Variants in SNAPC1 observed in about 807,000 individuals in gnomAD.
The protein encoded by SNAPC1 is small nuclear RNA activating complex polypeptide 1.
Under a neutral mutation model 50.1 loss-of-function variants are expected in SNAPC1, and 42 were observed. The observed-to-expected ratio is 0.84, with a 90% CI of 0.65 to 1.08. The LOEUF is 1.08. SNAPC1 is among the 50% of genes least tolerant of loss of function. The pLI is 0.00. For missense variants in SNAPC1, 477 were observed against 427.3 expected, an observed-to-expected ratio of 1.12 and a Z score of -1.02; for synonymous variants, 164 against 144.2, an observed-to-expected ratio of 1.14 and a Z score of -0.98.
At chr14:61,767,120 G>T in intron 2 of SNAPC1, 85 bp downstream of exon 2, 1 of 1,094,802 alleles carries the variant, frequency 9.1e-7, no homozygotes, top group Non-Finnish European at 1.2e-6. Flanking sequence ...GATTAAATAT[G>T]ATTTAAATAA....
chr14:61,771,512 G>A (rs1331723841), intron 4 of SNAPC1, among the ~76,000 whole-genome samples: 1 of 152,186 alleles, frequency 6.6e-6, no homozygotes, highest in Non-Finnish European at 1.5e-5. Context: ...GTGAGAAAGA[G>A]GTAGGAGAGA....
rs1304300097 is a variant in SNAPC1, at chr14:61,795,276, G to C, written c.*293G>C. ...TTGTTACTATTTCCTATAAGGTTTT[G>C]TGATACTATACTGTCCTAATACAGT... is the stretch of plus-strand genomic sequence containing the variant. On this transcript the variant is annotated 3_prime_UTR_variant, in exon 10 of 10. Transcript: ENST00000216294. 3.1e-6 allele frequency: 1 copy of C among 326,838 alleles called. No individual in the cohort carries two copies. The allele number at this position is 326,838 out of a possible 1,614,324, so 20.2% of individuals were successfully genotyped here.
intron 8 of SNAPC1, among the ~76,000 whole-genome samples, chr14:61,785,597 G>A (rs769906950): frequency 2.6e-4 from 39 of 152,260 alleles, no homozygotes; most frequent in Admixed American, 9.2e-4. Flanking sequence ...CAGTGTGGTC[G>A]GGATACAGTT....
chr14:61,762,979 G>GTTTTTTTT (rs1384010616), intron 1 of SNAPC1, among the ~76,000 whole-genome samples: 5 of 74,370 alleles, frequency 6.7e-5, no homozygotes, highest in Admixed American at 4.1e-4. Context: ...AACCAAAGTT[G>GTTTTTTTT]TCTTTTTTTT....
Position 61,776,147 on chromosome 14 carries a change from T to C in SNAPC1, c.587T>C (p.Val196Ala). 6.2e-7 allele frequency: 1 copy of C among 1,609,042 alleles called. No homozygotes were observed. Among genetic ancestry groups the C allele is most frequent in the Non-Finnish European group, 8.5e-7 (1 of 1,178,822 alleles). The change falls in exon 5 of 10, where the codon GTT becomes GCT. Residue 196 changes from valine to alanine, a missense_variant. Coordinates refer to ENST00000216294, the MANE Select transcript of SNAPC1 (RefSeq NM_003082.4). ...CAGAACATGAAACATGTAATTTCAGTTGATAAGTCCAAGCCAGATAAAGCC... is the reference window on the plus strand; with the variant it reads ...CAGAACATGAAACATGTAATTTCAGCTGATAAGTCCAAGCCAGATAAAGCC... Reference protein sequence around the residue: ...HYQNMKHVISVDKSKPDKALS... With the variant: ...HYQNMKHVISADKSKPDKALS...
intron 8 of SNAPC1, among the ~76,000 whole-genome samples, chr14:61,782,610 A>G (rs1003140813): frequency 3.3e-5 from 5 of 152,204 alleles, no homozygotes; most frequent in African/African-American, 4.8e-5. Context: ...CGTTTTATAG[A>G]TGATGAAATT....
intron 5 of SNAPC1, among the ~76,000 whole-genome samples, chr14:61,777,611 A>AT (rs60067898): frequency 0.081 from 8,894 of 109,524 alleles, 372 homozygotes; most frequent in Non-Finnish European, 0.11. Flanking sequence ...TTTAGTTTTA[A>AT]TTTTTTTTTT....
intron 7 of SNAPC1, among the ~76,000 whole-genome samples, chr14:61,779,577 T>C (rs945964236): frequency 1.3e-5 from 2 of 151,976 alleles, no homozygotes; most frequent in African/African-American, 4.8e-5. Flanking sequence ...TTTTTAAATG[T>C]ATTTTTCTTT....
chr14:61,785,353 C>T (rs28415121), intron 8 of SNAPC1, among the ~76,000 whole-genome samples: 50 of 152,126 alleles, frequency 3.3e-4, no homozygotes, highest in African/African-American at 1.1e-3. Context: ...GAGCCAAGAT[C>T]GCGCCAAGAT....
At position 61,795,294 on chromosome 14, in the gene SNAPC1, A is replaced by G; in HGVS notation, c.*311A>G. The G allele has an allele frequency of 4.7e-6, 1 of 212,992 alleles. No homozygotes were observed. Among genetic ancestry groups the G allele is most frequent in the South Asian group, 1.6e-4 (1 of 6,348 alleles). The allele number at this position is 212,992 out of a possible 1,614,324, so 13.2% of individuals were successfully genotyped here. ...AGGTTTTGTGATACTATACTGTCCT[A>G]ATACAGTCTGGTAATACTATTCTAT... is the stretch of plus-strand genomic sequence containing the variant. On this transcript the variant is annotated 3_prime_UTR_variant, in exon 10 of 10. Transcript: ENST00000216294.
chr14:61,777,059 T>G (rs2045039565), intron 5 of SNAPC1, among the ~76,000 whole-genome samples: 1 of 152,228 alleles, frequency 6.6e-6, no homozygotes, highest in Admixed American at 6.5e-5. Context: ...TCTGATTACT[T>G]ACTATGTGTC....
intron 8 of SNAPC1, among the ~76,000 whole-genome samples, chr14:61,784,292 C>A (rs2045099338): frequency 6.6e-6 from 1 of 152,086 alleles, no homozygotes; most frequent in African/African-American, 2.4e-5. Context: ...TCACATGTAT[C>A]AAAAATAATC....
chr14:61,790,285 G>A (rs2045142760), intron 8 of SNAPC1, among the ~76,000 whole-genome samples: 1 of 152,140 alleles, frequency 6.6e-6, no homozygotes, highest in Non-Finnish European at 1.5e-5. Flanking sequence ...ATGTTGACAG[G>A]ACATCAGTAA....
chr14:61,762,703 A>C, intron 1 of SNAPC1, 115 bp downstream of exon 1: 2 of 1,276,916 alleles, frequency 1.6e-6, no homozygotes, highest in Middle Eastern at 1.9e-4. Context: ...CAGTCACCGA[A>C]GGTTGCCTCC....
intron 7 of SNAPC1, among the ~76,000 whole-genome samples, chr14:61,779,525 A>C (rs1189331324): frequency 6.6e-6 from 1 of 151,700 alleles, no homozygotes; most frequent in African/African-American, 2.4e-5. Context: ...ATATTTTTTC[A>C]TTACCAGTAA....
intron 3 of SNAPC1, 68 bp from the exon 4 acceptor site, chr14:61,768,566 TTA>T: frequency 2.4e-6 from 2 of 845,068 alleles, no homozygotes; most frequent in Non-Finnish European, 3.8e-6. Context: ...TAGTGCTGGC[TTA>T]TATTTCAATA....
At chr14:61,772,291 A>G (rs1470019091) in intron 4 of SNAPC1, among the ~76,000 whole-genome samples, 1 of 151,850 alleles carries the variant, frequency 6.6e-6, no homozygotes, top group African/African-American at 2.4e-5. Flanking sequence ...TCTGTGTCCC[A>G]GGCTGGAGTG....
chr14:61,767,306 A>T lies in SNAPC1; in HGVS notation c.383A>T (p.Lys128Met), dbSNP rs904140366. 3 of 1,531,216 alleles carry T rather than the reference A, an allele frequency of 2.0e-6. No homozygotes were observed. Among genetic ancestry groups the T allele is most frequent in the African/African-American group, 1.4e-5 (1 of 70,690 alleles). 94.9% of individuals were successfully genotyped at this position (1,531,216 alleles called of 1,614,324 possible). A position where few individuals can be genotyped will look rare whatever the true frequency, so the allele number is the denominator to read the frequency against. ...TTTGATGCAGCTTATATTTTTAGGA[A>T]GCTACGACTAGACAGAGCATTTCAC... is the stretch of plus-strand genomic sequence containing the variant. ...QHFDAAYIFR[K>M]LRLDRAFHFT... The change falls in exon 3 of 10, where the codon AAG (lysine) becomes ATG (methionine). Residue 128 changes from lysine to methionine, a missense_variant. Transcript: ENST00000216294.
chr14:61,776,301 G>A lies in SNAPC1; in HGVS notation c.693+48G>A, dbSNP rs543547218. 5 of 1,504,546 alleles carry A rather than the reference G, an allele frequency of 3.3e-6. No homozygotes were observed. The East Asian group carries it at 9.1e-5, about 27-fold the overall frequency. 93.2% of individuals were successfully genotyped at this position (1,504,546 alleles called of 1,614,324 possible). A position where few individuals can be genotyped will look rare whatever the true frequency, so the allele number is the denominator to read the frequency against. On this transcript the variant is annotated intron_variant, in intron 5 of 9. Transcript: ENST00000216294. The stretch of plus-strand genomic sequence containing the variant: ...CCTCACCATTGTATTTTACACGAAT[G>A]TTTATCCGTGGATGATAATGTTGGG...
Sources: allele counts gnomAD v4.1 joint callset (sites outside exome capture counted in the v4.1 genomes callset), GRCh38; gene constraint gnomAD v4.1.1; transcripts MANE v1.5; gene names NCBI Gene and HGNC (gene_info 2026-07-23, HGNC 2026-07-21).